The following DOK6 variants were observed in gnomAD, a reference collection of about 807,000 sequenced individuals.
DOK6 encodes the protein downstream of tyrosine kinase 6.
DOK6 carries 22 observed loss-of-function variants against 44.0 expected under a neutral mutation model. The observed-to-expected ratio is 0.50, with a 90% CI of 0.36 to 0.71. The LOEUF is 0.71. Among genes scored for constraint, DOK6 ranks in the 30% least tolerant of loss-of-function variants. DOK6 has a pLI of 0.00. For missense variants in DOK6, 340 were observed against 416.4 expected (o/e 0.82, Z 1.60); for synonymous variants, 166 against 145.5 (o/e 1.14, Z -1.01).
chr18:69,591,706 A>G (rs967805140), intron 2 of DOK6, among the ~76,000 whole-genome samples: 3 of 152,234 alleles, frequency 2.0e-5, no homozygotes, highest in African/African-American at 7.2e-5. Flanking sequence ...ATGATACAAA[A>G]CCATAATGGA....
intron 7 of DOK6, among the ~76,000 whole-genome samples, chr18:69,816,044 T>C (rs1981388633): frequency 6.6e-6 from 1 of 152,146 alleles, no homozygotes; most frequent in African/African-American, 2.4e-5. Context: ...AGAGGAGAAA[T>C]GGAGGAGAGC....
intron 1 of DOK6, among the ~76,000 whole-genome samples, chr18:69,555,397 A>G (rs1318720234): frequency 1.3e-5 from 2 of 152,190 alleles, no homozygotes; most frequent in African/African-American, 4.8e-5. Flanking sequence ...TTCCGTTAAG[A>G]AAAAGAATCT....
chr18:69,744,978 C>T (rs1264068600), intron 6 of DOK6, among the ~76,000 whole-genome samples: 1 of 130,706 alleles, frequency 7.7e-6, no homozygotes, highest in Non-Finnish European at 1.6e-5. Context: ...CAAGGAGAAA[C>T]ATGTATCTCT....
At position 69,434,538 on chromosome 18, in the gene DOK6, C is replaced by G. The variant is rs1599129112; in HGVS notation, c.66+33228C>G. On this transcript the variant is annotated intron_variant, in intron 1 of 7. Transcript: ENST00000382713. ...AGGCACGGTGGCTCACGCCTGTAAT[C>G]CCAGCACTTTGAAAGGCAGAGGCGG... is the stretch of plus-strand genomic sequence containing the variant. Among the ~76,000 whole-genome samples, 3 of 151,344 alleles carry G rather than the reference C, an allele frequency of 2.0e-5. No individual in the cohort carries two copies. In the East Asian group the frequency reaches 5.9e-4, roughly 30 times the overall value.
intron 3 of DOK6, among the ~76,000 whole-genome samples, chr18:69,657,298 T>C (rs1177775491): frequency 6.6e-6 from 1 of 152,186 alleles, no homozygotes; most frequent in Non-Finnish European, 1.5e-5. Context: ...CGTCTGTCAG[T>C]GGAACCTGCA....
chr18:69,675,460 C>CA (rs1568330269), intron 3 of DOK6, among the ~76,000 whole-genome samples: 1 of 151,954 alleles, frequency 6.6e-6, no homozygotes. Context: ...AAGAATAATG[C>CA]AAAAAAGATT....
At chr18:69,772,250 C>T (rs997769112) in intron 7 of DOK6, among the ~76,000 whole-genome samples, 9 of 151,862 alleles carry the variant, frequency 5.9e-5, no homozygotes, top group African/African-American at 1.7e-4. Flanking sequence ...CTTGTATTCA[C>T]GAGTTGAAAG....
Position 69,799,007 on chromosome 18 carries a change from G to A in DOK6, c.856+41134G>A, listed in dbSNP as rs573974629. Among the ~76,000 whole-genome samples, 9 of 151,992 alleles carry A rather than the reference G, an allele frequency of 5.9e-5. No homozygotes were observed. The South Asian group carries it at 1.0e-3, about 17-fold the overall frequency. On this transcript the variant is annotated intron_variant, in intron 7 of 7. Coordinates refer to ENST00000382713, the MANE Select transcript of DOK6 (RefSeq NM_152721.6). ...AATGTACAAAATAGAACTAAAAATC[G>A]TTTTAGCAAGTCACTGGATTGTAAA...
intron 6 of DOK6, among the ~76,000 whole-genome samples, chr18:69,742,448 T>G (rs1474551700): frequency 6.6e-6 from 1 of 150,640 alleles, no homozygotes; most frequent in Non-Finnish European, 1.5e-5. Flanking sequence ...AAAGAAAAAT[T>G]TATCAACATT....
chr18:69,747,448 A>G (rs1038498052), intron 6 of DOK6, among the ~76,000 whole-genome samples: 2 of 152,214 alleles, frequency 1.3e-5, no homozygotes, highest in African/African-American at 4.8e-5. Context: ...TTTTGGCAAA[A>G]GCATGAAGAG....
chr18:69,465,148 T>C (rs1482253100), intron 1 of DOK6, among the ~76,000 whole-genome samples: 1 of 152,166 alleles, frequency 6.6e-6, no homozygotes, highest in Non-Finnish European at 1.5e-5. Context: ...TTTTCTTGTA[T>C]GGCATGTTTG....
At chr18:69,438,888 T>C (rs1979057802) in intron 1 of DOK6, among the ~76,000 whole-genome samples, 1 of 152,042 alleles carries the variant, frequency 6.6e-6, no homozygotes, top group South Asian at 2.1e-4. Context: ...CTGGGCAACA[T>C]GGTGAAACCT....
intron 1 of DOK6, among the ~76,000 whole-genome samples, chr18:69,536,979 C>CGTT (rs1555711150): frequency 6.9e-6 from 1 of 144,860 alleles, no homozygotes; most frequent in Admixed American, 7.0e-5. Context: ...GAAGATTTAT[C>CGTT]ATTATTATTA....
chr18:69,562,739 G>C (rs1982868079), intron 1 of DOK6, among the ~76,000 whole-genome samples: 1 of 152,052 alleles, frequency 6.6e-6, no homozygotes, highest in Admixed American at 6.6e-5. Flanking sequence ...CATAGGCATG[G>C]GCAAGGACTT....
At chr18:69,712,229 C>A (rs1986775516) in intron 5 of DOK6, among the ~76,000 whole-genome samples, 1 of 118,322 alleles carries the variant, frequency 8.5e-6, no homozygotes, top group African/African-American at 3.3e-5. Flanking sequence ...TGCAGTGAGC[C>A]GAGATCCCGC....
intron 3 of DOK6, chr18:69,662,198 TCAAACTCC>T: frequency 6.6e-6 from 1 of 152,378 alleles, no homozygotes; most frequent in Admixed American, 6.5e-5. Flanking sequence ...CAGGCTGGTC[TCAAACTCC>T]TAATCTCAGC....
At chr18:69,500,915 A>G (rs1348609598) in intron 1 of DOK6, among the ~76,000 whole-genome samples, 1 of 152,100 alleles carries the variant, frequency 6.6e-6, no homozygotes, top group African/African-American at 2.4e-5. Context: ...AAACACATGT[A>G]TTTTGGAATT....
rs145524405 is a variant in DOK6 at position 69,748,334 on chromosome 18, C to T, written c.738+9231C>T. Among the ~76,000 whole-genome samples the T allele has an allele frequency of 1.9e-4, 29 of 152,040 alleles. No individual in the cohort carries two copies. The East Asian group carries it at 4.6e-3, about 24-fold the overall frequency. On this transcript the variant is annotated intron_variant, in intron 6 of 7. Coordinates refer to ENST00000382713, the MANE Select transcript of DOK6 (RefSeq NM_152721.6). ...CCGCTGTCAATATTAGACAGATCACCGAGACAGAAACTTAAGATATTCACG... is the reference window on the plus strand; with the variant it reads ...CCGCTGTCAATATTAGACAGATCACTGAGACAGAAACTTAAGATATTCACG...
intron 1 of DOK6, among the ~76,000 whole-genome samples, chr18:69,499,453 T>A (rs1195709729): frequency 6.6e-6 from 1 of 152,204 alleles, no homozygotes; most frequent in Non-Finnish European, 1.5e-5. Context: ...CTTTGTAGAA[T>A]GAGTAATTTA....
Sources: allele counts gnomAD v4.1 joint callset (sites outside exome capture counted in the v4.1 genomes callset), GRCh38; gene constraint gnomAD v4.1.1; transcripts MANE v1.5; gene names NCBI Gene and HGNC (gene_info 2026-07-23, HGNC 2026-07-21).